Variants in PDE10A observed in about 807,000 individuals in gnomAD.
The protein encoded by PDE10A is cAMP and cAMP-inhibited cGMP 3',5'-cyclic phosphodiesterase 10A.
Under a neutral mutation model 97.7 loss-of-function variants are expected in PDE10A, and 39 were observed. The observed-to-expected ratio is 0.40, with a 90% CI of 0.31 to 0.52. The LOEUF (loss-of-function observed/expected upper bound fraction) is 0.52. Ranked by LOEUF, PDE10A falls within the 20% of genes least tolerant of loss-of-function variation. The pLI is 0.56. For synonymous variants in PDE10A, 371 were observed against 376.8 expected (o/e 0.98, Z 0.18); for missense variants, 731 against 1,047.8 (o/e 0.70, Z 4.17).
At chr6:165,650,459 G>A (rs1222012581) in intron 1 of PDE10A, among the ~76,000 whole-genome samples, 1 of 151,026 alleles carries the variant, frequency 6.6e-6, no homozygotes, top group Non-Finnish European at 1.5e-5. Context: ...ACAAATACAA[G>A]TATATGCTTT....
chr6:165,749,380 C>CCATCACAT (rs1246435300), intron 1 of PDE10A, among the ~76,000 whole-genome samples: 1 of 23,494 alleles, frequency 4.3e-5, no homozygotes, highest in Non-Finnish European at 1.0e-4. Flanking sequence ...ACCATCACCA[C>CCATCACAT]CACCATCATC....
intron 3 of PDE10A, among the ~76,000 whole-genome samples, chr6:165,454,653 C>A (rs1199478517): frequency 2.6e-5 from 4 of 152,084 alleles, no homozygotes. Context: ...AAGGTCCTTG[C>A]CAGATGCAGG....
At chr6:165,734,832 A>T (rs193252729) in intron 1 of PDE10A, among the ~76,000 whole-genome samples, 1 of 152,348 alleles carries the variant, frequency 6.6e-6, no homozygotes, top group East Asian at 1.9e-4. Context: ...GATAATTTTA[A>T]ATATTGTTGA....
rs191736294 is a variant in PDE10A at position 165,709,022 on chromosome 6, C to G, written c.-614-165454G>C. On this transcript the variant is annotated intron_variant, in intron 1 of 19. Transcript: ENST00000366882. ...CCACGCTCACCCCCCACTCTCCACC[C>G]CCATGCTGCCACGCTCACCCCCCAC... is the stretch of plus-strand genomic sequence containing the variant. Among the ~76,000 whole-genome samples the G allele has an allele frequency of 9.1e-3, 175 of 19,246 alleles. 9 individuals carry two copies. The highest frequency in any genetic ancestry group is 0.038 in the East Asian group (11 of 290). 12.6% of individuals were successfully genotyped at this position (19,246 alleles called of 152,430 possible).
chr6:165,878,104 T>C (rs1487237402), intron 1 of PDE10A, among the ~76,000 whole-genome samples: 1 of 152,182 alleles, frequency 6.6e-6, no homozygotes, highest in East Asian at 1.9e-4. Flanking sequence ...AAAGTCCACC[T>C]TGAATTCTAG....
intron 1 of PDE10A, among the ~76,000 whole-genome samples, chr6:165,619,622 CTGTAGTATAGTGTAG>C (rs1788012657): frequency 7.9e-6 from 1 of 126,738 alleles, no homozygotes; most frequent in Non-Finnish European, 1.6e-5. Context: ...GTCTAGTGTA[CTGTAGTATAGTGTAG>C]TGTAGTATAG....
intron 1 of PDE10A, among the ~76,000 whole-genome samples, chr6:165,764,742 T>C (rs1053565254): frequency 6.6e-6 from 1 of 152,186 alleles, no homozygotes; most frequent in Non-Finnish European, 1.5e-5. Context: ...ATAAAGGCAC[T>C]GTGGACCCAA....
chr6:165,389,560 G>A (rs1404775812), intron 16 of PDE10A, among the ~76,000 whole-genome samples: 1 of 152,184 alleles, frequency 6.6e-6, no homozygotes, highest in Non-Finnish European at 1.5e-5. Context: ...GACTGCAGGT[G>A]GAATGGGTTT....
intron 18 of PDE10A, among the ~76,000 whole-genome samples, chr6:165,365,516 C>A (rs1433369172): frequency 6.6e-6 from 1 of 152,104 alleles, no homozygotes; most frequent in Admixed American, 6.6e-5. Context: ...GGCAACATAG[C>A]AAGACTCTGT....
At chr6:165,416,104 G>T in intron 12 of PDE10A, 85 bp downstream of exon 12, 1 of 856,966 alleles carries the variant, frequency 1.2e-6, no homozygotes, top group Non-Finnish European at 2.0e-6. Flanking sequence ...GGGACGTGGA[G>T]AACTCAGGCT....
chr6:165,815,092 C>T (rs917358498), intron 1 of PDE10A, among the ~76,000 whole-genome samples: 2 of 152,162 alleles, frequency 1.3e-5, no homozygotes, highest in East Asian at 1.9e-4. Flanking sequence ...TCAGGATCAA[C>T]GTTACTTGCA....
At chr6:165,759,117 A>C (rs1032592129) in intron 1 of PDE10A, among the ~76,000 whole-genome samples, 1 of 152,118 alleles carries the variant, frequency 6.6e-6, no homozygotes, top group African/African-American at 2.4e-5. Flanking sequence ...GAGCTATGAG[A>C]TCCGCTACTT....
chr6:165,902,524 T>A (rs1186947305), intron 1 of PDE10A, among the ~76,000 whole-genome samples: 1 of 152,206 alleles, frequency 6.6e-6, no homozygotes, highest in East Asian at 1.9e-4. Context: ...GAATTCCCAA[T>A]ACTCCCTCAC....
chr6:165,592,727 T>C (rs1786352705), intron 1 of PDE10A, among the ~76,000 whole-genome samples: 1 of 151,926 alleles, frequency 6.6e-6, no homozygotes, highest in African/African-American at 2.4e-5. Flanking sequence ...ATTAGAGAAA[T>C]GCAAATCAAA....
In PDE10A at chr6:165,840,892, C is replaced by T. The variant is rs141347584; in HGVS notation, c.-615+146637G>A. Among the ~76,000 whole-genome samples, 80 of 152,332 alleles carry T rather than the reference C, an allele frequency of 5.3e-4. 2 individuals are homozygous for T. Among genetic ancestry groups the T allele is most frequent in the African/African-American group, 1.8e-3 (75 of 41,568 alleles). On this transcript the variant is annotated intron_variant, in intron 1 of 19. Transcript: ENST00000366882. ...TTCTTTTCACTCCCCAGCAAGGGTCCGTGAACATGCCTGGGGGCTCAGCAC... is the reference window on the plus strand; with the variant it reads ...TTCTTTTCACTCCCCAGCAAGGGTCTGTGAACATGCCTGGGGGCTCAGCAC...
intron 16 of PDE10A, among the ~76,000 whole-genome samples, chr6:165,391,628 A>G (rs1028913483): frequency 1.2e-4 from 18 of 152,204 alleles, no homozygotes; most frequent in African/African-American, 2.9e-4. Context: ...TAAATAATAA[A>G]TTACTGATCA....
rs528377605 is a variant in PDE10A, at chr6:165,714,100, GAAACAA to G, written c.-614-170538_-614-170533del. On this transcript the variant is annotated intron_variant, in intron 1 of 19. Transcript: ENST00000366882. Reference sequence around the variant, plus strand: ...CATTCTGAGTAATTAGAGTTGTGTGGAAACAAAAACCAAAACCAACCAAATGGCAGG... The same window carrying G: ...CATTCTGAGTAATTAGAGTTGTGTGGAAACCAAAACCAACCAAATGGCAGG... Among the ~76,000 whole-genome samples, 32 of 152,306 alleles carry G rather than the reference GAAACAA, an allele frequency of 2.1e-4. No individual in the cohort carries two copies. In the South Asian group the frequency reaches 6.4e-3, roughly 31 times the overall value.
intron 1 of PDE10A, among the ~76,000 whole-genome samples, chr6:165,922,033 T>C (rs893310): frequency 0.47 from 71,443 of 151,864 alleles, 16,937 homozygotes; most frequent in African/African-American, 0.49. Context: ...CATAGTGAGA[T>C]GTGAGAAGAT....
At chr6:165,951,708 G>A (rs1021809778) in intron 1 of PDE10A, among the ~76,000 whole-genome samples, 1 of 152,112 alleles carries the variant, frequency 6.6e-6, no homozygotes, top group Non-Finnish European at 1.5e-5. Context: ...TCTGCCTGCC[G>A]TTTCTTCTAG....
Sources: allele counts gnomAD v4.1 joint callset (sites outside exome capture counted in the v4.1 genomes callset), GRCh38; gene constraint gnomAD v4.1.1; transcripts MANE v1.5; gene names NCBI Gene and HGNC (gene_info 2026-07-23, HGNC 2026-07-21).